The following B4GALNT3 variants were observed in gnomAD, a reference collection of about 807,000 sequenced individuals.
B4GALNT3 encodes the protein beta-1,4-N-acetyl-galactosaminyltransferase 3, also known as beta-1,4-N-acetylgalactosaminyltransferase 3.
B4GALNT3 carries 86 observed loss-of-function variants against 120.2 expected under a neutral mutation model. The observed-to-expected ratio is 0.72, with a 90% CI of 0.60 to 0.86. B4GALNT3 has a LOEUF of 0.86. Among genes scored for constraint, B4GALNT3 ranks in the 40% least tolerant of loss-of-function variants. B4GALNT3 has a pLI of 0.00. For synonymous variants in B4GALNT3, 518 were observed against 510.4 expected (o/e 1.01, Z -0.20); for missense variants, 1,167 against 1,298.9 (o/e 0.90, Z 1.56).
At chr12:475,914 G>A (rs753851105) in intron 1 of B4GALNT3, among the ~76,000 whole-genome samples, 4 of 152,258 alleles carry the variant, frequency 2.6e-5, no homozygotes, top group African/African-American at 4.8e-5. Context: ...CCTTAGAATC[G>A]GGTCGGCGCA....
chr12:511,321 G>GCCTTCCA (rs1217685000), intron 1 of B4GALNT3, among the ~76,000 whole-genome samples: 52 of 15,310 alleles, frequency 3.4e-3, no homozygotes, highest in African/African-American at 0.012. Context: ...TCCGCCTTCT[G>GCCTTCCA]CCTTCCACCT....
intron 3 of B4GALNT3, among the ~76,000 whole-genome samples, 199 bp from the exon 4 acceptor site, chr12:544,140 C>T (rs1357575133): frequency 5.5e-5 from 6 of 108,914 alleles, no homozygotes; most frequent in South Asian, 2.9e-4. Context: ...GGTGCTCATC[C>T]TCCTGGAGCT....
intron 1 of B4GALNT3, among the ~76,000 whole-genome samples, chr12:511,328 A>G (rs372941867): frequency 2.0e-3 from 64 of 32,376 alleles, no homozygotes; most frequent in East Asian, 8.3e-3. Flanking sequence ...TCTGCCTTCC[A>G]CCTTCCACCT....
rs1423125211 is a variant in B4GALNT3, at chr12:460,126, AAC to A, written c.-246_-245del. On this transcript the variant is annotated 5_prime_UTR_variant, in exon 1 of 20. Coordinates refer to ENST00000266383, the MANE Select transcript of B4GALNT3 (RefSeq NM_173593.4). The surrounding 1 kb of genome is among the most constrained non-coding windows in gnomAD (Gnocchi z 8.0). ...GCGTGGGGAGGAGAGCCCGGCGCGG[AAC>A]ACACGCGCGGAGGAGGAGCCGGGCT... is the stretch of plus-strand genomic sequence containing the variant. Among the ~76,000 whole-genome samples, 1 of 150,780 alleles carries A rather than the reference AAC, an allele frequency of 6.6e-6. No individual in the cohort carries two copies. Among genetic ancestry groups the A allele is most frequent in the Non-Finnish European group, 1.5e-5 (1 of 67,486 alleles).
At chr12:553,038 C>T in intron 13 of B4GALNT3, 156 bp from the exon 14 acceptor site, 1 of 1,068,034 alleles carries the variant, frequency 9.4e-7, no homozygotes. Context: ...GGTTGAGTAC[C>T]TTGCCCAGGG....
At position 508,526 on chromosome 12, in the gene B4GALNT3, A is replaced by G. The variant is rs1195275275; in HGVS notation, c.170-26640A>G. 2.0e-5 allele frequency among the ~76,000 whole-genome samples: 3 copies of G among 152,274 alleles called. No homozygotes were observed. In the East Asian group the frequency reaches 5.8e-4, roughly 29 times the overall value. ...CAAACTCATGGTCTCAAGCAATAAA[A>G]CAGCTTTTTAATGTTTAAATTATAC... On this transcript the variant is annotated intron_variant, in intron 1 of 19. Transcript: ENST00000266383.
chr12:514,379 A>G (rs989664809), intron 1 of B4GALNT3, among the ~76,000 whole-genome samples: 3 of 151,796 alleles, frequency 2.0e-5, no homozygotes, highest in Admixed American at 2.0e-4. Context: ...TTGTATTTTT[A>G]GTAGAGGCGG....
intron 1 of B4GALNT3, among the ~76,000 whole-genome samples, chr12:527,642 GC>G (rs59418489): frequency 0.39 from 58,743 of 151,870 alleles, 12,576 homozygotes; most frequent in East Asian, 0.6. Context: ...CTCCTCACTT[GC>G]CCCCCCACCA....
intron 1 of B4GALNT3, among the ~76,000 whole-genome samples, chr12:503,775 C>A (rs150350219): frequency 6.6e-6 from 1 of 152,164 alleles, no homozygotes; most frequent in Non-Finnish European, 1.5e-5. Context: ...CTCCCATTCA[C>A]CTGGCAGCAT....
At position 503,771 on chromosome 12, in the gene B4GALNT3, T is replaced by G. The variant is rs540782305; in HGVS notation, c.170-31395T>G. Among the ~76,000 whole-genome samples the G allele has an allele frequency of 1.1e-3, 165 of 152,242 alleles. 1 individual carries two copies. The highest frequency in any genetic ancestry group is 6.2e-3 in the South Asian group (30 of 4,822). ...CTGATCTCTGAACAGCTGCCTCCCA[T>G]TCACCTGGCAGCATTTGACACTGTT... On this transcript the variant is annotated intron_variant, in intron 1 of 19. Coordinates refer to ENST00000266383, the MANE Select transcript of B4GALNT3 (RefSeq NM_173593.4).
At chr12:537,217 A>T (rs936800252) in intron 3 of B4GALNT3, among the ~76,000 whole-genome samples, 1 of 152,250 alleles carries the variant, frequency 6.6e-6, no homozygotes, top group Non-Finnish European at 1.5e-5. Context: ...AGTTAAATGA[A>T]TAAAAGTTAT....
rs746022844 is a variant in B4GALNT3 at position 553,488 on chromosome 12, C to T, written c.1565C>T (p.Pro522Leu). Residue 522 changes from proline to leucine, a missense_variant, in exon 14 of 20, where the codon CCC (proline) becomes CTC (leucine). By Grantham distance (98) the Pro-to-Leu change is moderately conservative. Transcript: ENST00000266383. Reference protein sequence around the residue: ...EKRKQKPSPEPSQDSPHSDKW... With the variant: ...EKRKQKPSPELSQDSPHSDKW... The stretch of plus-strand genomic sequence containing the variant: ...AGGAAGCAAAAACCCAGCCCTGAGC[C>T]CAGCCAAGATTCACCTCATTCCGAC... 2 of 1,614,150 alleles carry T rather than the reference C, an allele frequency of 1.2e-6. No individual in the cohort carries two copies. The highest frequency in any genetic ancestry group is 1.3e-5 in the African/African-American group (1 of 75,078).
intron 1 of B4GALNT3, among the ~76,000 whole-genome samples, chr12:502,427 C>T (rs1169975996): frequency 6.6e-6 from 1 of 152,060 alleles, no homozygotes; most frequent in Admixed American, 6.6e-5. Context: ...TATATCACAG[C>T]TTTAGGGGTC....
At chr12:489,357 AAAAG>A (rs1263210369) in intron 1 of B4GALNT3, among the ~76,000 whole-genome samples, 1 of 151,974 alleles carries the variant, frequency 6.6e-6, no homozygotes, top group Non-Finnish European at 1.5e-5. Flanking sequence ...AAAATACAGA[AAAAG>A]AAAGGAAGAC....
At chr12:512,202 C>T in intron 1 of B4GALNT3, among the ~76,000 whole-genome samples, 1 of 97,706 alleles carries the variant, frequency 1.0e-5, no homozygotes, top group Non-Finnish European at 2.0e-5. Context: ...CGCCTTCCAC[C>T]TTCCACCTTC....
chr12:511,257 C>T lies in B4GALNT3; in HGVS notation c.170-23909C>T, dbSNP rs543340396. ...CCACCTTCCACCTTCCGCCTTCTGCCTTCCGCCTTCCACCTTCGACCTTCT... is the reference window on the plus strand; with the variant it reads ...CCACCTTCCACCTTCCGCCTTCTGCTTTCCGCCTTCCACCTTCGACCTTCT... On this transcript the variant is annotated intron_variant, in intron 1 of 19. Transcript: ENST00000266383. Among the ~76,000 whole-genome samples, 395 of 150,532 alleles carry T rather than the reference C, an allele frequency of 2.6e-3. 3 individuals carry two copies. Among genetic ancestry groups the T allele is most frequent in the African/African-American group, 9.1e-3 (372 of 40,750 alleles).
At chr12:511,443 CA>C in intron 1 of B4GALNT3, among the ~76,000 whole-genome samples, 1 of 75,086 alleles carries the variant, frequency 1.3e-5, no homozygotes, top group Non-Finnish European at 2.5e-5. Flanking sequence ...TTCCACCTTC[CA>C]CCTTCCACCT....
chr12:492,767 G>T (rs2120511390), intron 1 of B4GALNT3, among the ~76,000 whole-genome samples: 1 of 152,210 alleles, frequency 6.6e-6, no homozygotes, highest in Non-Finnish European at 1.5e-5. Flanking sequence ...GAATGGATAA[G>T]TAGATCAATG....
At chr12:498,105 C>G (rs375333837) in intron 1 of B4GALNT3, among the ~76,000 whole-genome samples, 17 of 152,110 alleles carry the variant, frequency 1.1e-4, no homozygotes, top group Non-Finnish European at 2.2e-4. Flanking sequence ...CTGTCGGTTG[C>G]GAAGTTCTTC....
Sources: gnomAD v4.1 joint callset for allele counts (sites outside exome capture counted in the v4.1 genomes callset) on GRCh38, gnomAD v4.1.1 for gene constraint, Gnocchi (gnomAD v3.1) non-coding constraint, MANE v1.5 for transcripts, NCBI Gene and HGNC (gene_info 2026-07-23, HGNC 2026-07-21) for gene names.